OR1L8: variants seen among roughly 807,000 people sequenced by gnomAD.
The protein encoded by OR1L8 is olfactory receptor 1L8.
For synonymous variants in OR1L8, 148 were observed against 147.0 expected, an observed-to-expected ratio of 1.01 and a Z score of -0.05; for missense variants, 330 against 377.4, an observed-to-expected ratio of 0.87 and a Z score of 1.04.
intron 4 of OR1L8, among the ~76,000 whole-genome samples, chr9:122,569,244 C>G (rs1829496411): frequency 6.6e-6 from 1 of 152,198 alleles, no homozygotes; most frequent in East Asian, 1.9e-4. Flanking sequence ...TTTTTCCCTT[C>G]TTTAATTCTC....
chr9:122,560,794 G>A, the OR1L8 span, among the ~76,000 whole-genome samples: 5 of 152,134 alleles, frequency 3.3e-5, no homozygotes, highest in East Asian at 9.6e-4. Flanking sequence ...AGAATTTGAT[G>A]ATTATGTGTC....
At chr9:122,578,683 TAAGTA>T (rs67503780) in intron 1 of OR1L8, among the ~76,000 whole-genome samples, 20,442 of 151,852 alleles carry the variant, frequency 0.13, 1,473 homozygotes, top group Middle Eastern at 0.2. Context: ...ACAATTTTCC[TAAGTA>T]AAGTAAAGTA....
rs146769177 is a variant in OR1L8 at position 122,568,352 on chromosome 9, C to T, written c.126G>A (p.Gly42=). The T allele has an allele frequency of 6.2e-7, 1 of 1,613,886 alleles. No individual in the cohort carries two copies. The highest frequency in any genetic ancestry group is 1.3e-5 in the African/African-American group (1 of 74,870). ...GAATGGCCAGGATGATGAGCAGGTT[C>T]CCTGTTATGGTGACCAGGTACACGA... ...FLIVYLVTIT[G]NLLIILAIRF... Residue 42 remains glycine (G), a synonymous_variant, in exon 5 of 5, where the codon GGG becomes GGA. Coordinates refer to ENST00000641027, the MANE Select transcript of OR1L8 (RefSeq NM_001004454.2).
the OR1L8 span, among the ~76,000 whole-genome samples, chr9:122,552,749 AGTGTGTGTGTGTGTGTGT>A: frequency 1.1e-4 from 14 of 129,660 alleles, no homozygotes; most frequent in African/African-American, 3.0e-4. Flanking sequence ...AGAGGGCTTG[AGTGTGTGTGTGTGTGTGT>A]GTGTGTGTGT....
chr9:122,580,405 C>A (rs1456752857), intron 1 of OR1L8, among the ~76,000 whole-genome samples: 1 of 152,156 alleles, frequency 6.6e-6, no homozygotes, highest in Non-Finnish European at 1.5e-5. Context: ...TGATCATTTA[C>A]AAATAAAACC....
intron 4 of OR1L8, among the ~76,000 whole-genome samples, chr9:122,572,314 G>C (rs924993554): frequency 6.6e-6 from 1 of 152,212 alleles, no homozygotes; most frequent in African/African-American, 2.4e-5. Flanking sequence ...CTGAAAAGCA[G>C]TGTGTCAAAC....
chr9:122,566,501 T>C (rs1829428839), downstream of OR1L8, among the ~76,000 whole-genome samples: 1 of 151,896 alleles, frequency 6.6e-6, no homozygotes, highest in South Asian at 2.1e-4. Flanking sequence ...TTAATTTTCT[T>C]ACTTAATGGC....
In OR1L8 at chr9:122,570,370, C is replaced by A. The variant is rs1004012237; in HGVS notation, c.-212-1681G>T. ...AACAACTTCTTTACAGCAGTATATTCTTTTACACATTGTGAATGGGCCTTA... is the reference window on the plus strand; with the variant it reads ...AACAACTTCTTTACAGCAGTATATTATTTTACACATTGTGAATGGGCCTTA... On this transcript the variant is annotated intron_variant, in intron 4 of 4. Transcript: ENST00000641027. Among the ~76,000 whole-genome samples the A allele has an allele frequency of 9.1e-4, 139 of 152,194 alleles. 2 individuals carry two copies. Among genetic ancestry groups the A allele is most frequent in the Non-Finnish European group, 1.5e-4 (10 of 68,040 alleles).
At chr9:122,553,499 G>A in the OR1L8 span, 14 of 1,613,742 alleles carry the variant, frequency 8.7e-6, no homozygotes, top group South Asian at 2.2e-5. Flanking sequence ...AGATCATCTC[G>A]TATTCTGGGT....
At chr9:122,579,123 CAG>C (rs1256170639) in intron 1 of OR1L8, among the ~76,000 whole-genome samples, 3 of 151,656 alleles carry the variant, frequency 2.0e-5, no homozygotes, top group Non-Finnish European at 4.4e-5. Flanking sequence ...GTAAGAGAAA[CAG>C]AAATCATCCA....
chr9:122,567,439 TG>T lies in OR1L8; in HGVS notation c.*108del. 1 of 769,368 alleles carries T rather than the reference TG, an allele frequency of 1.3e-6. No individual in the cohort carries two copies. Among genetic ancestry groups the T allele is most frequent in the Non-Finnish European group, 2.1e-6 (1 of 476,308 alleles). 47.7% of individuals were successfully genotyped at this position (769,368 alleles called of 1,614,324 possible). On this transcript the variant is annotated 3_prime_UTR_variant, in exon 5 of 5. Coordinates refer to ENST00000641027, the MANE Select transcript of OR1L8 (RefSeq NM_001004454.2). The stretch of plus-strand genomic sequence containing the variant: ...GTGCCCACAATAGCCTTGTCTCACA[TG>T]GGTCAGAAGTGCTAGCTTCCAACAG...
chr9:122,561,798 A>G, the OR1L8 span, among the ~76,000 whole-genome samples: 4 of 152,326 alleles, frequency 2.6e-5, no homozygotes, highest in African/African-American at 9.6e-5. Context: ...CCCCTGTTGC[A>G]GGGTCTCACC....
At chr9:122,562,753 G>A (rs543777933), downstream of OR1L8, among the ~76,000 whole-genome samples, 3 of 152,142 alleles carry the variant, frequency 2.0e-5, no homozygotes, top group South Asian at 4.1e-4. Flanking sequence ...CCACAAATAA[G>A]TGAGAATATG....
At chr9:122,579,628 A>T (rs893550178) in intron 1 of OR1L8, among the ~76,000 whole-genome samples, 2 of 152,166 alleles carry the variant, frequency 1.3e-5, no homozygotes. Flanking sequence ...ATTAGTTGTG[A>T]TGTTTACATT....
At chr9:122,553,869 T>C in the OR1L8 span, 1 of 1,614,066 alleles carries the variant, frequency 6.2e-7, no homozygotes, top group Non-Finnish European at 8.5e-7. Flanking sequence ...GATCGTCTTC[T>C]CCTATGTCCG....
At chr9:122,560,935 C>T in the OR1L8 span, among the ~76,000 whole-genome samples, 1 of 152,138 alleles carries the variant, frequency 6.6e-6, no homozygotes, top group East Asian at 1.9e-4. Flanking sequence ...CATCTTGGTT[C>T]CATTCTTCCC....
chr9:122,569,030 G>A (rs1301989492), intron 4 of OR1L8, among the ~76,000 whole-genome samples: 3 of 151,822 alleles, frequency 2.0e-5, no homozygotes, highest in Admixed American at 6.6e-5. Flanking sequence ...GTTGTGTCAC[G>A]CTGAAGTTTA....
intron 2 of OR1L8, among the ~76,000 whole-genome samples, chr9:122,577,110 A>G (rs968048268): frequency 6.6e-6 from 1 of 152,220 alleles, no homozygotes; most frequent in African/African-American, 2.4e-5. Context: ...AAAGTGGCAT[A>G]TGCTTCTAGG....
At chr9:122,557,035 T>G in the OR1L8 span, among the ~76,000 whole-genome samples, 1 of 152,176 alleles carries the variant, frequency 6.6e-6, no homozygotes, top group African/African-American at 2.4e-5. Context: ...AAATTCCATT[T>G]GTTCATTGCT....
Sources: allele counts gnomAD v4.1 joint callset (sites outside exome capture counted in the v4.1 genomes callset), GRCh38; gene constraint gnomAD v4.1.1; transcripts MANE v1.5; gene names NCBI Gene and HGNC (gene_info 2026-07-23, HGNC 2026-07-21).